Variants in SLC25A34 observed in about 807,000 individuals in gnomAD.
SLC25A34 encodes solute carrier family 25 member 34, also known as solute carrier family 25, member 34.
Under a neutral mutation model 28.1 loss-of-function variants are expected in SLC25A34, and 26 were observed. The ratio of observed to expected loss-of-function variants is 0.93; its 90% CI spans 0.68 to 1.28. SLC25A34 has a LOEUF of 1.28. SLC25A34 is among the 50% of genes most tolerant of loss of function. The probability of loss-of-function intolerance (pLI) is 0.00; values close to 1 mark genes in which losing one functional copy is unlikely to be tolerated. For synonymous variants in SLC25A34, 182 were observed against 182.2 expected, an observed-to-expected ratio of 1.00 and a Z score of 0.01; for missense variants, 384 against 409.8, an observed-to-expected ratio of 0.94 and a Z score of 0.54.
chr1:15,739,104 C>T, intron 4 of SLC25A34, 120 bp from the exon 5 acceptor site: 2 of 1,284,580 alleles, frequency 1.6e-6, no homozygotes, highest in African/African-American at 3.0e-5. Context: ...ACAGGTGTGT[C>T]CAATACAAAG....
rs991028837 is a variant in SLC25A34, at chr1:15,736,824, G to A, written c.339G>A (p.Ala113=). The A allele has an allele frequency of 1.4e-5, 22 of 1,590,718 alleles. No individual in the cohort carries two copies. Among genetic ancestry groups the A allele is most frequent in the Admixed American group, 1.8e-5 (1 of 56,284 alleles). The part of the protein sequence containing the change: ...PGGTVVAGAV[A]GALGAFVGSP... ...GCACCGTGGTTGCGGGAGCCGTGGC[G>A]GGGGCACTGGGAGCCTTCGTGGGGA... Residue 113 remains alanine (A), a synonymous_variant, in exon 1 of 5, where the codon GCG becomes GCA. Coordinates refer to ENST00000294454, the MANE Select transcript of SLC25A34 (RefSeq NM_207348.3).
Position 15,739,332 on chromosome 1 carries a change from C to G in SLC25A34, c.841C>G (p.His281Asp), listed in dbSNP as rs1557669748. 2 of 1,610,216 alleles carry G rather than the reference C, an allele frequency of 1.2e-6. No individual in the cohort carries two copies. The highest frequency in any genetic ancestry group is 1.7e-5 in the Admixed American group (1 of 59,460). ...CCCCGCCTACCTGCGCCTGGGCCCC[C>G]ACACCATCCTCAGCATGCTCTTCTG... ...LGPAYLRLGP[H>D]TILSMLFWDE... The change falls in exon 5 of 5, where the codon CAC (histidine) becomes GAC (aspartate). Residue 281 changes from histidine to aspartate, a missense_variant. By Grantham distance (81) the His-to-Asp change is moderately conservative (BLOSUM62 -1). Coordinates refer to ENST00000294454, the MANE Select transcript of SLC25A34 (RefSeq NM_207348.3).
chr1:15,737,937 G>T lies in SLC25A34; in HGVS notation c.387G>T (p.Thr129=). 1 of 1,614,038 alleles carries T rather than the reference G, an allele frequency of 6.2e-7. No homozygotes were observed. Among genetic ancestry groups the T allele is most frequent in the Non-Finnish European group, 8.5e-7 (1 of 1,180,024 alleles). ...CCTCTCTGCTCCCATAGATCAAAAC[G>T]CAGCTGCAAGCTCAGACAGTGGCCG... ...FVGSPAYLIK[T]QLQAQTVAAV... Residue 129 remains threonine (T), a synonymous_variant, in exon 2 of 5, where the codon ACG becomes ACT. Coordinates refer to ENST00000294454, the MANE Select transcript of SLC25A34 (RefSeq NM_207348.3).
Position 15,738,797 on chromosome 1 carries a change from C to CAG in SLC25A34, c.732+70_732+71insGA, listed in dbSNP as rs747833990. The CAG allele has an allele frequency of 8.5e-5, 120 of 1,417,296 alleles. No homozygotes were observed. In the Admixed American group the frequency reaches 1.0e-3, roughly 12 times the overall value. 87.8% of individuals were successfully genotyped at this position (1,417,296 alleles called of 1,614,324 possible). On this transcript the variant is annotated intron_variant, in intron 4 of 4. Coordinates refer to ENST00000294454, the MANE Select transcript of SLC25A34 (RefSeq NM_207348.3). Reference sequence around the variant, plus strand: ...CACCCCCCCAACACACACACACACACACACACTCTCACACACTCACACTCA... The same window carrying CAG: ...CACCCCCCCAACACACACACACACACAGACACACTCTCACACACTCACACTCA...
chr1:15,739,325 G>A lies in SLC25A34; in HGVS notation c.834G>A (p.Leu278=). The part of the protein sequence containing the change: ...YKGLGPAYLR[L]GPHTILSMLF... ...GCCTGGGCCCCGCCTACCTGCGCCT[G>A]GGCCCCCACACCATCCTCAGCATGC... is the stretch of plus-strand genomic sequence containing the variant. The change falls in exon 5 of 5, where the codon CTG becomes CTA. Residue 278 remains leucine (L), a synonymous_variant. Transcript: ENST00000294454. The A allele has an allele frequency of 2.5e-6, 4 of 1,610,636 alleles. No homozygotes were observed. The highest frequency in any genetic ancestry group is 3.4e-6 in the Non-Finnish European group (4 of 1,178,758).
intron 1 of SLC25A34, among the ~76,000 whole-genome samples, chr1:15,737,395 C>G (rs566224718): frequency 5.3e-5 from 8 of 152,254 alleles, no homozygotes; most frequent in South Asian, 2.1e-4. Context: ...ATGGTGAAAC[C>G]CTGTCTCTGC....
In SLC25A34 at chr1:15,738,734, C is replaced by G; in HGVS notation, c.732+6C>G. Reference sequence around the variant, plus strand: ...CGGTGGACACAGCTGGCAGGGTGAGCAGGGGCGGGTCTAGGGGAGACCGTG... The same window carrying G: ...CGGTGGACACAGCTGGCAGGGTGAGGAGGGGCGGGTCTAGGGGAGACCGTG... On this transcript the variant is annotated splice_donor_region_variant and intron_variant, in intron 4 of 4. Coordinates refer to ENST00000294454, the MANE Select transcript of SLC25A34 (RefSeq NM_207348.3). 1 of 1,563,254 alleles carries G rather than the reference C, an allele frequency of 6.4e-7. No homozygotes were observed. The highest frequency in any genetic ancestry group is 1.2e-5 in the South Asian group (1 of 86,048).
chr1:15,738,059 G>T lies in SLC25A34; in HGVS notation c.445-34G>T, dbSNP rs992844330. 5 of 1,612,848 alleles carry T rather than the reference G, an allele frequency of 3.1e-6. No homozygotes were observed. The African/African-American group carries it at 4.0e-5, about 13-fold the overall frequency. On this transcript the variant is annotated intron_variant, in intron 2 of 4. Transcript: ENST00000294454. ...TTGGGCATGCTCCCAGCCTAGGCAGGGGTGGCCAGTGACCCCGTGCCCTCT... is the reference window on the plus strand; with the variant it reads ...TTGGGCATGCTCCCAGCCTAGGCAGTGGTGGCCAGTGACCCCGTGCCCTCT...
rs1219214391 is a variant in SLC25A34, at chr1:15,736,666, G to A, written c.181G>A (p.Ala61Thr). The part of the protein sequence containing the change: ...HGFIASVAAV[A>T]RADGLWGLQK... ...CTTCATAGCCTCTGTCGCTGCTGTG[G>A]CCCGAGCAGACGGGCTGTGGGGCCT... Residue 61 changes from alanine (A) to threonine (T), a missense_variant, in exon 1 of 5, where the codon GCC becomes ACC. Ala to Thr is a moderately conservative substitution (Grantham distance 58). Coordinates refer to ENST00000294454, the MANE Select transcript of SLC25A34 (RefSeq NM_207348.3). 6.2e-7 allele frequency: 1 copy of A among 1,603,760 alleles called. No individual in the cohort carries two copies. The highest frequency in any genetic ancestry group is 1.7e-5 in the Admixed American group (1 of 58,246).
rs776910159 is a variant in SLC25A34, at chr1:15,736,767, G to T, written c.282G>T (p.Ala94=). The part of the protein sequence containing the change: ...NGVRFYCYSL[A]CQAGLTQQPG... ...TTCGTTTCTACTGCTACAGCCTGGC[G>T]TGCCAGGCTGGCCTCACGCAGCAAC... The change falls in exon 1 of 5, where the codon GCG becomes GCT. Residue 94 remains alanine, a synonymous_variant. Coordinates refer to ENST00000294454, the MANE Select transcript of SLC25A34 (RefSeq NM_207348.3). 13 of 1,607,162 alleles carry T rather than the reference G, an allele frequency of 8.1e-6. No homozygotes were observed. Among genetic ancestry groups the T allele is most frequent in the Non-Finnish European group, 1.1e-5 (13 of 1,179,358 alleles).
In SLC25A34 at chr1:15,736,569, G is replaced by T. The variant is rs957712505; in HGVS notation, c.84G>T (p.Glu28Asp). 3 of 1,503,872 alleles carry T rather than the reference G, an allele frequency of 2.0e-6. No homozygotes were observed. Among genetic ancestry groups the T allele is most frequent in the Non-Finnish European group, 2.7e-6 (3 of 1,126,796 alleles). The allele number at this position is 1,503,872 out of a possible 1,614,324, so 93.2% of individuals were successfully genotyped here. The change falls in exon 1 of 5, where the codon GAG becomes GAT. Residue 28 changes from glutamate to aspartate, a missense_variant. Physicochemically the swap from Glu to Asp is conservative, Grantham distance 45. Coordinates refer to ENST00000294454, the MANE Select transcript of SLC25A34 (RefSeq NM_207348.3). ...CLACVFTNPL[E>D]VVKTRLQLQG... ...CCTGTGTCTTCACCAACCCCCTGGA[G>T]GTGGTGAAGACGCGGCTGCAGCTGC...
Position 15,736,861 on chromosome 1 carries a change from C to T in SLC25A34, c.376C>T (p.Leu126=). 6.4e-7 allele frequency: 1 copy of T among 1,552,334 alleles called. No homozygotes were observed. ...LGAFVGSPAY[L]IKTQLQAQTV... is the part of the protein sequence containing the mutation. ...AGCCTTCGTGGGGAGCCCTGCTTACCTGGTGAGTGGCTTGTCTCCATCGTC... is the reference window on the plus strand; with the variant it reads ...AGCCTTCGTGGGGAGCCCTGCTTACTTGGTGAGTGGCTTGTCTCCATCGTC... Residue 126 remains leucine, a splice_region_variant and synonymous_variant, in exon 1 of 5, where the codon CTG becomes TTG. Coordinates refer to ENST00000294454, the MANE Select transcript of SLC25A34 (RefSeq NM_207348.3).
Position 15,736,599 on chromosome 1 carries a change from G to A in SLC25A34, c.114G>A (p.Gly38=). ...EVVKTRLQLQ[G]ELQARGTYPR... is the part of the protein sequence containing the mutation. ...TGAAGACGCGGCTGCAGCTGCAGGGGGAGCTGCAGGCCCGGGGCACCTACC... is the reference window on the plus strand; with the variant it reads ...TGAAGACGCGGCTGCAGCTGCAGGGAGAGCTGCAGGCCCGGGGCACCTACC... Residue 38 remains glycine, a synonymous_variant, in exon 1 of 5, where the codon GGG becomes GGA. Transcript: ENST00000294454. 6.5e-7 allele frequency: 1 copy of A among 1,545,344 alleles called. No individual in the cohort carries two copies. The highest frequency in any genetic ancestry group is 2.4e-5 in the East Asian group (1 of 41,332).
intron 1 of SLC25A34, chr1:15,737,659 C>G: frequency 2.0e-6 from 1 of 508,164 alleles, no homozygotes; most frequent in Non-Finnish European, 3.5e-6. Context: ...ATCATTGTCT[C>G]ACTTAATCCT....
chr1:15,740,259 C>T lies in SLC25A34; in HGVS notation c.*853C>T, dbSNP rs1161605931. The stretch of plus-strand genomic sequence containing the variant: ...ACAAATCATGTTGGCTTAGGGCCCA[C>T]CCTCATGACCCCACTTTAATTTTTT... On this transcript the variant is annotated 3_prime_UTR_variant, in exon 5 of 5. Transcript: ENST00000294454. The T allele has an allele frequency of 6.6e-6, 1 of 151,670 alleles. No homozygotes were observed. Among genetic ancestry groups the T allele is most frequent in the African/African-American group, 2.4e-5 (1 of 41,144 alleles). The allele number at this position is 151,670 out of a possible 1,614,324, so 9.4% of individuals were successfully genotyped here.
chr1:15,738,947 C>A, intron 4 of SLC25A34: 1 of 615,052 alleles, frequency 1.6e-6, no homozygotes, highest in Non-Finnish European at 2.6e-6. Flanking sequence ...TTTATTCCAT[C>A]CTTATAATCA....
At chr1:15,737,014 C>A in intron 1 of SLC25A34, 151 bp downstream of exon 1, 3 of 1,108,572 alleles carry the variant, frequency 2.7e-6, no homozygotes, top group Non-Finnish European at 3.7e-6. Flanking sequence ...TAGCCCAAGC[C>A]TGGAATCTGC....
Position 15,740,636 on chromosome 1 carries a change from G to A in SLC25A34, c.*1230G>A, listed in dbSNP as rs2068270970. ...ATCTCCATATACAGTCACATCCTGA[G>A]CTACTAGGGGGTAGGACTTCAACAT... On this transcript the variant is annotated 3_prime_UTR_variant, in exon 5 of 5. Transcript: ENST00000294454. 1 of 152,114 alleles carries A rather than the reference G, an allele frequency of 6.6e-6. No homozygotes were observed. The highest frequency in any genetic ancestry group is 1.5e-5 in the Non-Finnish European group (1 of 68,054). 9.4% of individuals were successfully genotyped at this position (152,114 alleles called of 1,614,324 possible).
intron 3 of SLC25A34, 72 bp from the exon 4 acceptor site, chr1:15,738,522 G>C: frequency 6.5e-7 from 1 of 1,547,542 alleles, no homozygotes; most frequent in Non-Finnish European, 8.7e-7. Flanking sequence ...CTGTGTGGTA[G>C]GAGGCCGGGA....
Sources: allele counts gnomAD v4.1 joint callset (sites outside exome capture counted in the v4.1 genomes callset), GRCh38; gene constraint gnomAD v4.1.1; transcripts MANE v1.5; gene names NCBI Gene and HGNC (gene_info 2026-07-23, HGNC 2026-07-21).